The following COL1A2 variants were observed in gnomAD, a reference collection of about 807,000 sequenced individuals.
The protein encoded by COL1A2 is collagen type I alpha 2 chain.
A neutral mutation model predicts 174.3 loss-of-function variants in COL1A2; 49 were observed. The ratio of observed to expected loss-of-function variants is 0.28; its 90% confidence interval spans 0.22 to 0.36. The LOEUF (loss-of-function observed/expected upper bound fraction) is 0.36, where lower values mean the gene tolerates loss of function less well. COL1A2 is among the 10% of genes least tolerant of loss of function. COL1A2 has a pLI of 1.00. For missense variants in COL1A2, 1,438 were observed against 1,822.7 expected (o/e 0.79, Z 3.84); for synonymous variants, 655 against 606.6 (o/e 1.08, Z -1.17).
intron 40 of COL1A2, 143 bp from the exon 41 acceptor site, chr7:94,424,193 A>G: frequency 1.4e-6 from 1 of 694,144 alleles, no homozygotes; most frequent in South Asian, 1.6e-5. Flanking sequence ...ACTAGAGAAA[A>G]GATATCCAAG....
intron 28 of COL1A2, 97 bp downstream of exon 28, chr7:94,414,044 A>G (rs1791987190): frequency 7.3e-7 from 1 of 1,370,310 alleles, no homozygotes; most frequent in Admixed American, 1.7e-5. Flanking sequence ...AATAAACATG[A>G]TTTCAGGACT....
intron 22 of COL1A2, 33 bp downstream of exon 22, chr7:94,410,975 G>T: frequency 6.2e-7 from 1 of 1,612,578 alleles, no homozygotes; most frequent in Non-Finnish European, 8.5e-7. Flanking sequence ...CCTAGAAAGG[G>T]GCTTGCTGCT....
Position 94,427,790 on chromosome 7 carries a change from A to G in COL1A2, c.3431A>G (p.Asn1144Ser). 1 of 1,614,110 alleles carries G rather than the reference A, an allele frequency of 6.2e-7. No individual in the cohort carries two copies. Among genetic ancestry groups the G allele is most frequent in the Non-Finnish European group, 8.5e-7 (1 of 1,179,980 alleles). Reference sequence around the variant, plus strand: ...GATGCTACTCTGAAGTCTCTCAACAACCAGATTGAGACCCTTCTTACTCCT... The same window carrying G: ...GATGCTACTCTGAAGTCTCTCAACAGCCAGATTGAGACCCTTCTTACTCCT... Reference protein sequence around the residue: ...EVDATLKSLNNQIETLLTPEG... With the variant: ...EVDATLKSLNSQIETLLTPEG... The change falls in exon 49 of 52, where the codon AAC (asparagine) becomes AGC (serine). Residue 1144 changes from asparagine to serine, a missense_variant. Asn to Ser is a conservative substitution (Grantham distance 46). Around this residue, in one of 3 missense-constraint regions of COL1A2, gnomAD observed 290 missense variants for 298.1 expected, o/e 0.97. Coordinates refer to ENST00000297268, the MANE Select transcript of COL1A2 (RefSeq NM_000089.4).
chr7:94,414,738 T>G (rs1792001381), intron 29 of COL1A2, among the ~76,000 whole-genome samples: 1 of 152,212 alleles, frequency 6.6e-6, no homozygotes, highest in African/African-American at 2.4e-5. Context: ...AATGTGCCCC[T>G]ATTTAGTTAC....
chr7:94,428,853 C>T (rs1792339671), intron 50 of COL1A2, among the ~76,000 whole-genome samples: 1 of 152,086 alleles, frequency 6.6e-6, no homozygotes, highest in Non-Finnish European at 1.5e-5. Context: ...ACTGGAATTC[C>T]ATAAATTACA....
intron 6 of COL1A2, among the ~76,000 whole-genome samples, chr7:94,403,540 A>G (rs1197357750): frequency 6.6e-6 from 1 of 152,226 alleles, no homozygotes; most frequent in South Asian, 2.1e-4. Context: ...ATGTATGCCT[A>G]AAAAGCTATT....
chr7:94,425,615 C>T lies in COL1A2; in HGVS notation c.2787C>T (p.Asn929=), dbSNP rs1266478972. The change falls in exon 43 of 52, where the codon AAC becomes AAT. Residue 929 remains asparagine, a synonymous_variant. Transcript: ENST00000297268. ...GAPGEAGRDG[N]PGNDGPPGRD... is the part of the protein sequence containing the mutation. ...TTTGTGTGGTGTCTTCACAGGGCAA[C>T]CCTGGGAACGATGGTCCCCCAGGTC... is the stretch of plus-strand genomic sequence containing the variant. 6.2e-7 allele frequency: 1 copy of T among 1,613,898 alleles called. No homozygotes were observed. Among genetic ancestry groups the T allele is most frequent in the African/African-American group, 1.3e-5 (1 of 74,892 alleles).
chr7:94,418,738 G>A (rs1792094181), intron 33 of COL1A2, among the ~76,000 whole-genome samples, 186 bp downstream of exon 33: 1 of 151,790 alleles, frequency 6.6e-6, no homozygotes, highest in South Asian at 2.1e-4. Flanking sequence ...AAATTAAATG[G>A]GATTTAACCT....
At chr7:94,429,514 A>C in intron 51 of COL1A2, 84 bp downstream of exon 51, 1 of 1,479,910 alleles carries the variant, frequency 6.8e-7, no homozygotes, top group Non-Finnish European at 9.4e-7. Flanking sequence ...GGGGGGGTCT[A>C]AAGGGGGGTT....
At chr7:94,395,471 C>G (rs1027506972) in intron 1 of COL1A2, 5 of 352,642 alleles carry the variant, frequency 1.4e-5, no homozygotes, top group Non-Finnish European at 2.2e-5. Context: ...CATAACCGCA[C>G]TGATGTCCAC....
Position 94,421,960 on chromosome 7 carries a change from A to G in COL1A2, c.2403+8A>G. 1 of 1,613,818 alleles carries G rather than the reference A, an allele frequency of 6.2e-7. No homozygotes were observed. The highest frequency in any genetic ancestry group is 8.5e-7 in the Non-Finnish European group (1 of 1,179,756). On this transcript the variant is annotated splice_region_variant and intron_variant, in intron 39 of 51. Transcript: ENST00000297268. ...GGTCCCCCAGGACCCTCTGTAAGTAAATCACTGTAAACGTGTCTTCATTTA... is the reference window on the plus strand; with the variant it reads ...GGTCCCCCAGGACCCTCTGTAAGTAGATCACTGTAAACGTGTCTTCATTTA...
intron 42 of COL1A2, 77 bp downstream of exon 42, chr7:94,425,301 T>G (rs1367308531): frequency 7.5e-7 from 1 of 1,335,402 alleles, no homozygotes; most frequent in Non-Finnish European, 1.1e-6. Context: ...TGAGCTGAGG[T>G]TCTCTTCTTC....
At chr7:94,398,438 G>C in intron 3 of COL1A2, 42 bp downstream of exon 3, 1 of 850,670 alleles carries the variant, frequency 1.2e-6, no homozygotes, top group Middle Eastern at 2.4e-4. Flanking sequence ...AAAATTATCA[G>C]GGATAACATA....
At position 94,409,352 on chromosome 7, in the gene COL1A2, C is replaced by T. The variant is rs370881635; in HGVS notation, c.823C>T (p.Pro275Ser). 6.2e-7 allele frequency: 1 copy of T among 1,614,110 alleles called. No individual in the cohort carries two copies. The highest frequency in any genetic ancestry group is 8.5e-7 in the Non-Finnish European group (1 of 1,180,004). Residue 275 changes from proline to serine, a missense_variant, in exon 17 of 52, where the codon CCT becomes TCT. Pro to Ser is a moderately conservative substitution (Grantham distance 74). Around this residue, in one of 3 missense-constraint regions of COL1A2, gnomAD observed 867 missense variants for 1,213.7 expected, o/e 0.71. Transcript: ENST00000297268. The part of the protein sequence containing the change: ...GEIGAVGNAG[P>S]AGPAGPRGEV... The stretch of plus-strand genomic sequence containing the variant: ...AATTGGAGCTGTTGGTAACGCTGGT[C>T]CTGCTGGTCCCGCCGGTCCCCGTGG...
In COL1A2 at chr7:94,417,750, G is replaced by A; in HGVS notation, c.1890G>A (p.Val630=). ...GTGAACCTGGTGTGGTTGGTGCTGT[G>A]GGCACTGCTGGTCCATCTGGTCCTA... The part of the protein sequence containing the change: ...NKGEPGVVGA[V]GTAGPSGPSG... Residue 630 remains valine, a synonymous_variant, in exon 32 of 52, where the codon GTG becomes GTA. Coordinates refer to ENST00000297268, the MANE Select transcript of COL1A2 (RefSeq NM_000089.4). The A allele has an allele frequency of 6.3e-7, 1 of 1,599,890 alleles. No individual in the cohort carries two copies. Among genetic ancestry groups the A allele is most frequent in the East Asian group, 2.2e-5 (1 of 44,502 alleles).
intron 11 of COL1A2, 121 bp from the exon 12 acceptor site, chr7:94,406,129 C>T: frequency 9.9e-7 from 1 of 1,014,526 alleles, no homozygotes; most frequent in Non-Finnish European, 1.5e-6. Flanking sequence ...CACTGGACTT[C>T]TTTCTACTGC....
rs1015599975 is a variant in COL1A2 at position 94,395,120 on chromosome 7, T to A, written c.70+19T>A. 1 of 1,610,734 alleles carries A rather than the reference T, an allele frequency of 6.2e-7. No homozygotes were observed. Among genetic ancestry groups the A allele is most frequent in the Non-Finnish European group, 8.5e-7 (1 of 1,177,144 alleles). Reference sequence around the variant, plus strand: ...TGCCAATGTAAGTGCCTTCAGCTTGTTTGGGGGAGACTGGGTAGAGAGGTT... The same window carrying A: ...TGCCAATGTAAGTGCCTTCAGCTTGATTGGGGGAGACTGGGTAGAGAGGTT... On this transcript the variant is annotated intron_variant, in intron 1 of 51. Transcript: ENST00000297268.
Position 94,394,910 on chromosome 7 carries a change from G to T in COL1A2, c.-122G>T. 1 of 790,530 alleles carries T rather than the reference G, an allele frequency of 1.3e-6. No homozygotes were observed. The highest frequency in any genetic ancestry group is 2.3e-6 in the Non-Finnish European group (1 of 437,078). The allele number at this position is 790,530 out of a possible 1,614,324, so 49.0% of individuals were successfully genotyped here. A position where few individuals can be genotyped will look rare whatever the true frequency, so the allele number is the denominator to read the frequency against. On this transcript the variant is annotated 5_prime_UTR_variant, in exon 1 of 52. The change creates a new upstream start codon in the 5' untranslated region. Coordinates refer to ENST00000297268, the MANE Select transcript of COL1A2 (RefSeq NM_000089.4). Reference sequence around the variant, plus strand: ...TTATTATTTTAGCACCACGGCAGCAGGAGGTTTCGGCTAAGTTGGAGGTAC... The same window carrying T: ...TTATTATTTTAGCACCACGGCAGCATGAGGTTTCGGCTAAGTTGGAGGTAC...
At chr7:94,426,675 G>A (rs1451446900) in intron 46 of COL1A2, 145 bp downstream of exon 46, 14 of 750,372 alleles carry the variant, frequency 1.9e-5, no homozygotes, top group South Asian at 1.8e-4. Flanking sequence ...TCTCACTCTT[G>A]GAGGTAATGC....
Sources: allele counts gnomAD v4.1 joint callset (sites outside exome capture counted in the v4.1 genomes callset), GRCh38; gene constraint gnomAD v4.1.1; regional missense constraint gnomAD v4.1.1; transcripts MANE v1.5; gene names NCBI Gene and HGNC (gene_info 2026-07-23, HGNC 2026-07-21).